Variants in DIP2C observed in about 807,000 individuals in gnomAD.
The protein encoded by DIP2C is disco-interacting protein 2 homolog C.
Under a neutral mutation model 192.4 loss-of-function variants are expected in DIP2C, and 33 were observed. The observed-to-expected ratio is 0.17, with a 90% CI of 0.13 to 0.23. The LOEUF (loss-of-function observed/expected upper bound fraction) is 0.23, where lower values mean the gene tolerates loss of function less well. DIP2C is among the 10% of genes least tolerant of loss of function. The probability of loss-of-function intolerance (pLI) is 1.00; values close to 1 mark genes in which losing one functional copy is unlikely to be tolerated. For synonymous variants in DIP2C, 979 were observed against 864.1 expected (o/e 1.13, Z -2.33); for missense variants, 1,537 against 2,110.1 (o/e 0.73, Z 5.32).
At position 629,355 on chromosome 10, in the gene DIP2C, C is replaced by T. The variant is rs185589290; in HGVS notation, c.85+60139G>A. On this transcript the variant is annotated intron_variant, in intron 1 of 36. Coordinates refer to ENST00000280886, the MANE Select transcript of DIP2C (RefSeq NM_014974.3). The stretch of plus-strand genomic sequence containing the variant: ...AAGCGGGCGATCTTGACCCCTCACC[C>T]GTGGTCCTGAGGCAGGGATCGGAGC... Among the ~76,000 whole-genome samples, 12 of 152,288 alleles carry T rather than the reference C, an allele frequency of 7.9e-5. No individual in the cohort carries two copies. The East Asian group carries it at 9.7e-4, about 12-fold the overall frequency.
intron 34 of DIP2C, among the ~76,000 whole-genome samples, chr10:284,051 G>T (rs575706352): frequency 6.6e-6 from 1 of 152,302 alleles, no homozygotes; most frequent in African/African-American, 2.4e-5. Flanking sequence ...GACAGGGCTG[G>T]GTAAAAGCAA....
chr10:631,829 A>G (rs986668548), intron 1 of DIP2C, among the ~76,000 whole-genome samples: 7 of 152,232 alleles, frequency 4.6e-5, no homozygotes, highest in Non-Finnish European at 1.5e-5. Context: ...AGTTTGGCGA[A>G]GGCATTTTCA....
chr10:480,828 C>T (rs1843549109), intron 2 of DIP2C, among the ~76,000 whole-genome samples: 3 of 152,216 alleles, frequency 2.0e-5, no homozygotes, highest in Admixed American at 6.5e-5. Context: ...GACGGGAGCA[C>T]GGCTGATCTG....
rs748664252 is a variant in DIP2C at position 422,888 on chromosome 10, A to G, written c.540T>C (p.Ser180=). 14 of 1,613,698 alleles carry G rather than the reference A, an allele frequency of 8.7e-6. No individual in the cohort carries two copies. The East Asian group carries it at 1.6e-4, about 18-fold the overall frequency. ...CAGCCCCGCTGCCCCCGCTCTGCGT[A>G]GAGGACGAGGAGGTGGTGGACGTGG... ...GSTTSTTSSS[S]TQSGGSGAAH... The change falls in exon 5 of 37, where the codon TCT becomes TCC. Residue 180 remains serine (S), a synonymous_variant. Coordinates refer to ENST00000280886, the MANE Select transcript of DIP2C (RefSeq NM_014974.3).
intron 1 of DIP2C, among the ~76,000 whole-genome samples, chr10:629,380 C>G (rs554879908): frequency 4.6e-5 from 7 of 152,224 alleles, no homozygotes; most frequent in Non-Finnish European, 7.4e-5. Context: ...GGGATCGGAG[C>G]CCCCTGGACA....
At chr10:650,659 A>T in intron 1 of DIP2C, 1 of 619,066 alleles carries the variant, frequency 1.6e-6, no homozygotes, top group Non-Finnish European at 2.9e-6. Flanking sequence ...ATTCCACAGC[A>T]CGTGAGCTGG....
intron 2 of DIP2C, among the ~76,000 whole-genome samples, chr10:474,586 T>TTCTCATG (rs1251701192): frequency 2.0e-5 from 3 of 152,012 alleles, no homozygotes; most frequent in African/African-American, 7.2e-5. Context: ...TGGTCACTTG[T>TTCTCATG]TCTCATGCTC....
At chr10:394,249 G>A (rs903225762) in intron 10 of DIP2C, among the ~76,000 whole-genome samples, 1 of 145,670 alleles carries the variant, frequency 6.9e-6, no homozygotes, top group African/African-American at 2.5e-5. Context: ...GGGAAGCCGG[G>A]CCTGTGCTGA....
chr10:512,883 C>A lies in DIP2C; in HGVS notation c.86-26353G>T, dbSNP rs577997339. Among the ~76,000 whole-genome samples, 57 of 144,256 alleles carry A rather than the reference C, an allele frequency of 4.0e-4. No homozygotes were observed. The South Asian group carries it at 5.1e-3, about 13-fold the overall frequency. 94.6% of individuals were successfully genotyped at this position (144,256 alleles called of 152,430 possible). Reference sequence around the variant, plus strand: ...GAGCCGAGATTGCGCCACTGTACTCCACTCCAGCCTGGGTGACAACAGCGA... The same window carrying A: ...GAGCCGAGATTGCGCCACTGTACTCAACTCCAGCCTGGGTGACAACAGCGA... On this transcript the variant is annotated intron_variant, in intron 1 of 36. Transcript: ENST00000280886.
intron 23 of DIP2C, 79 bp from the exon 24 acceptor site, chr10:356,585 A>C (rs1234426617): frequency 1.1e-5 from 13 of 1,217,032 alleles, no homozygotes; most frequent in African/African-American, 1.5e-5. Context: ...CAACCTGGAT[A>C]CTCAAACCCA....
At chr10:288,323 G>A (rs765125287) in intron 33 of DIP2C, 41 bp downstream of exon 33, 61 of 1,588,144 alleles carry the variant, frequency 3.8e-5, no homozygotes, top group African/African-American at 3.8e-4. Context: ...AGTCAGAAGC[G>A]AACGGATACA....
chr10:574,357 C>A (rs897915381), intron 1 of DIP2C, among the ~76,000 whole-genome samples: 1 of 152,160 alleles, frequency 6.6e-6, no homozygotes, highest in Admixed American at 6.5e-5. Context: ...ATAACCATTC[C>A]ATTATTTTAC....
At chr10:332,267 C>A (rs570519404) in intron 29 of DIP2C, among the ~76,000 whole-genome samples, 33 of 152,182 alleles carry the variant, frequency 2.2e-4, no homozygotes, top group African/African-American at 8.0e-4. Flanking sequence ...CAAAAATACA[C>A]ATCAGCATTA....
rs1588676356 is a variant in DIP2C, at chr10:650,064, G to A, written c.85+39430C>T. On this transcript the variant is annotated intron_variant, in intron 1 of 36. Transcript: ENST00000280886. Reference sequence around the variant, plus strand: ...TTCCTCCTGCATCTGGGAGCTGCCAGCAACCCAGTTCCAGGAGAGAAAATA... The same window carrying A: ...TTCCTCCTGCATCTGGGAGCTGCCAACAACCCAGTTCCAGGAGAGAAAATA... 4.2e-6 allele frequency: 3 copies of A among 709,520 alleles called. No homozygotes were observed. The East Asian group carries it at 8.1e-5, about 19-fold the overall frequency. 44.0% of individuals were successfully genotyped at this position (709,520 alleles called of 1,614,324 possible). A position where few individuals can be genotyped will look rare whatever the true frequency, so the allele number is the denominator to read the frequency against.
At chr10:327,323 A>C (rs1156527748) in intron 30 of DIP2C, 147 bp from the exon 31 acceptor site, 3 of 840,610 alleles carry the variant, frequency 3.6e-6, no homozygotes, top group Non-Finnish European at 5.3e-6. Flanking sequence ...CACTTCTTCA[A>C]TATAACAAAC....
At chr10:341,358 A>G (rs773881656) in intron 28 of DIP2C, 29 bp from the exon 29 acceptor site, 13 of 1,612,254 alleles carry the variant, frequency 8.1e-6, no homozygotes, top group Admixed American at 1.7e-5. Context: ...TGTTAAACGC[A>G]TCGGACCTGA....
intron 3 of DIP2C, among the ~76,000 whole-genome samples, chr10:467,283 G>A (rs1319397000): frequency 4.1e-5 from 6 of 147,738 alleles, no homozygotes; most frequent in Admixed American, 7.0e-5. Context: ...TCGCAAAAAC[G>A]AAAAACCAAA....
chr10:323,368 C>T (rs368002727), intron 31 of DIP2C, among the ~76,000 whole-genome samples: 277 of 26,942 alleles, frequency 0.01, 1 homozygote, highest in Middle Eastern at 0.016. Flanking sequence ...GAGACCGGCG[C>T]TGTTAGAACA....
intron 1 of DIP2C, among the ~76,000 whole-genome samples, chr10:679,532 GCCCATGCTCCCCGCA>G (rs71376849): frequency 7.8e-4 from 1 of 1,290 alleles, no homozygotes; most frequent in Non-Finnish European, 2.4e-3. Flanking sequence ...TGCTCCCCAC[GCCCATGCTCCCCGCA>G]CCCATCCTCC....
Sources: allele counts gnomAD v4.1 joint callset (sites outside exome capture counted in the v4.1 genomes callset), GRCh38; gene constraint gnomAD v4.1.1; transcripts MANE v1.5; gene names NCBI Gene and HGNC (gene_info 2026-07-23, HGNC 2026-07-21).